The following EVC variants were observed in gnomAD, a reference collection of about 807,000 sequenced individuals.
EVC encodes the protein EvC ciliary complex subunit 1.
In EVC, 116 loss-of-function variants were observed where a neutral mutation model predicts 118.9. That is an observed-to-expected ratio of 0.98 (90% CI 0.84 to 1.14). The LOEUF (loss-of-function observed/expected upper bound fraction) is 1.14. Ranked by LOEUF, EVC falls within the 50% of genes most tolerant of loss-of-function variation. The pLI is 0.00. For missense variants in EVC, 1,401 were observed against 1,246.4 expected, an observed-to-expected ratio of 1.12 and a Z score of -1.87; for synonymous variants, 619 against 534.7, an observed-to-expected ratio of 1.16 and a Z score of -2.18.
chr4:5,732,260 G>T (rs1726948734), intron 4 of EVC, among the ~76,000 whole-genome samples: 1 of 115,182 alleles, frequency 8.7e-6, no homozygotes, highest in Non-Finnish European at 2.0e-5. Context: ...AGTCTGGCGG[G>T]TTCACACACC....
the EVC span, among the ~76,000 whole-genome samples, chr4:5,819,560 C>G: frequency 6.6e-6 from 1 of 152,172 alleles, no homozygotes; most frequent in African/African-American, 2.4e-5. Context: ...CAGTGGCTCC[C>G]ATGACCTGGG....
chr4:5,720,699 A>G (rs1386900921), intron 2 of EVC, among the ~76,000 whole-genome samples: 1 of 152,206 alleles, frequency 6.6e-6, no homozygotes, highest in Non-Finnish European at 1.5e-5. Context: ...CCCTTGGCCA[A>G]CGTGGACGGG....
intron 1 of EVC, among the ~76,000 whole-genome samples, chr4:5,713,676 CAAAAAAAAAAAAA>C (rs35032068): frequency 1.4e-5 from 1 of 71,750 alleles, no homozygotes; most frequent in African/African-American, 6.2e-5. Context: ...GGCTCCGTCT[CAAAAAAAAAAAAA>C]AAAAAAAAAT....
At position 5,752,965 on chromosome 4, in the gene EVC, G is replaced by T. The variant is rs2152076522; in HGVS notation, c.1228G>T (p.Glu410Ter). 1.2e-6 allele frequency: 2 copies of T among 1,614,034 alleles called. No homozygotes were observed. Among genetic ancestry groups the T allele is most frequent in the African/African-American group, 1.3e-5 (1 of 75,074 alleles). Reference sequence around the variant, plus strand: ...CCACGGCCTGGAGCTGCTGGCTGGTGAGGGGAAGCTGTCCGGGCGGCAGAA... The same window carrying T: ...CCACGGCCTGGAGCTGCTGGCTGGTTAGGGGAAGCTGTCCGGGCGGCAGAA... ...ISHGLELLAG[E>*]GKLSGRQKEE... The change falls in exon 9 of 21, where the codon GAG becomes TAG. Residue 410 changes from glutamate (E) to a stop codon, truncating the protein, a stop_gained. Coordinates refer to ENST00000264956, the MANE Select transcript of EVC (RefSeq NM_153717.3). LOFTEE classifies it high-confidence loss of function.
intron 11 of EVC, chr4:5,758,322 G>T: frequency 3.7e-6 from 2 of 545,222 alleles, no homozygotes; most frequent in East Asian, 3.0e-5. Flanking sequence ...CCCAGTTTGC[G>T]GCGCTTTGTC....
chr4:5,753,264 C>T (rs1730668845), intron 9 of EVC, among the ~76,000 whole-genome samples: 1 of 152,246 alleles, frequency 6.6e-6, no homozygotes, highest in Admixed American at 6.5e-5. Context: ...GGCCACTGCC[C>T]AGGGCAGGGG....
rs1723025506 is a variant in EVC at position 5,711,553 on chromosome 4, A to G, written c.173A>G (p.Gln58Arg). 1.8e-6 allele frequency: 2 copies of G among 1,133,560 alleles called. No individual in the cohort carries two copies. The highest frequency in any genetic ancestry group is 1.6e-5 in the African/African-American group (1 of 60,878). The allele number at this position is 1,133,560 out of a possible 1,614,324, so 70.2% of individuals were successfully genotyped here. A position where few individuals can be genotyped will look rare whatever the true frequency, so the allele number is the denominator to read the frequency against. Reference sequence around the variant, plus strand: ...GCGGGCCGCCAGCGCACGCGACACCAGGTGGGTCGGCCGAGCAGACAGCGG... The same window carrying G: ...GCGGGCCGCCAGCGCACGCGACACCGGGTGGGTCGGCCGAGCAGACAGCGG... Reference protein sequence around the residue: ...CRAGRQRTRHQKDDTQNLLKN... With the variant: ...CRAGRQRTRHRKDDTQNLLKN... The change falls in exon 1 of 21, where the codon CAG (glutamine) becomes CGG (arginine). Residue 58 changes from glutamine to arginine, a missense_variant and splice_region_variant. Coordinates refer to ENST00000264956, the MANE Select transcript of EVC (RefSeq NM_153717.3).
intron 3 of EVC, 69 bp downstream of exon 3, chr4:5,729,459 T>C: frequency 7.0e-7 from 1 of 1,423,134 alleles, no homozygotes; most frequent in Non-Finnish European, 9.9e-7. Flanking sequence ...GGGAGGAAAG[T>C]GGGGGGATTA....
In EVC at chr4:5,756,468, C is replaced by A; in HGVS notation, c.1563+106C>A. 1 of 905,636 alleles carries A rather than the reference C, an allele frequency of 1.1e-6. No homozygotes were observed. Among genetic ancestry groups the A allele is most frequent in the Non-Finnish European group, 1.8e-6 (1 of 567,440 alleles). The allele number at this position is 905,636 out of a possible 1,614,324, so 56.1% of individuals were successfully genotyped here. A position where few individuals can be genotyped will look rare whatever the true frequency, so the allele number is the denominator to read the frequency against. ...ACCCCAGAGGTGGTTCAGGTCCAACCCCGCACTCATTGGCCGGTGATCCAC... is the reference window on the plus strand; with the variant it reads ...ACCCCAGAGGTGGTTCAGGTCCAACACCGCACTCATTGGCCGGTGATCCAC... On this transcript the variant is annotated intron_variant, in intron 11 of 20. Coordinates refer to ENST00000264956, the MANE Select transcript of EVC (RefSeq NM_153717.3). This position sits in a 1 kb window ranked among gnomAD's most constrained non-coding sequence, Gnocchi z 4.2.
At position 5,792,777 on chromosome 4, in the gene EVC, A is replaced by G. The variant is rs573226972; in HGVS notation, c.1777-831A>G. ...CAAACCAGTAGATTTCCTCCATACC[A>G]GCAACACCCAGTGACAAAGAAAGAT... On this transcript the variant is annotated intron_variant, in intron 12 of 20. Transcript: ENST00000264956. Among the ~76,000 whole-genome samples the G allele has an allele frequency of 1.8e-3, 267 of 152,328 alleles. 1 individual carries two copies. Among genetic ancestry groups the G allele is most frequent in the Non-Finnish European group, 3.1e-3 (212 of 68,028 alleles).
At chr4:5,825,306 C>A in the EVC span, 2 of 985,194 alleles carry the variant, frequency 2.0e-6, no homozygotes, top group Non-Finnish European at 2.4e-6. The surrounding 1 kb of genome is among the most constrained non-coding windows in gnomAD (Gnocchi z 4.4). Context: ...CATGGACCCC[C>A]CTCTGCTTGG....
At position 5,810,935 on chromosome 4, in the gene EVC, T is replaced by A. The variant is rs1258872580; in HGVS notation, c.2895-18T>A. The stretch of plus-strand genomic sequence containing the variant: ...GGAGTCAGCGTTCTAACTGGCTGCC[T>A]TTCTTCTCTGTTTTAAGCAGCAAAA... On this transcript the variant is annotated intron_variant, in intron 20 of 20. Transcript: ENST00000264956. 6.2e-7 allele frequency: 1 copy of A among 1,607,686 alleles called. No homozygotes were observed.
At position 5,789,361 on chromosome 4, in the gene EVC, C is replaced by T. The variant is rs1712329950; in HGVS notation, c.1777-4247C>T. ...CTCTGGCTTTCTGGGCACGTTCCTG[C>T]CTTACTCTGTCCTGCTCCTGGTCTT... On this transcript the variant is annotated intron_variant, in intron 12 of 20. Coordinates refer to ENST00000264956, the MANE Select transcript of EVC (RefSeq NM_153717.3). This position sits in a 1 kb window ranked among gnomAD's most constrained non-coding sequence, Gnocchi z 4.3. Among the ~76,000 whole-genome samples the T allele has an allele frequency of 6.6e-6, 1 of 152,162 alleles. No individual in the cohort carries two copies. The highest frequency in any genetic ancestry group is 2.4e-5 in the African/African-American group (1 of 41,440).
the EVC span, chr4:5,820,809 T>A: frequency 6.6e-6 from 1 of 150,578 alleles, no homozygotes; most frequent in African/African-American, 2.5e-5. Flanking sequence ...TTTCTTTATT[T>A]TTTCACAAGC....
chr4:5,767,038 A>G (rs1001077026), intron 11 of EVC, among the ~76,000 whole-genome samples: 2 of 148,770 alleles, frequency 1.3e-5, no homozygotes, highest in African/African-American at 4.9e-5. Flanking sequence ...GGTTTTATCT[A>G]CTTTTGGACT....
At chr4:5,828,692 C>T in the EVC span, 2 of 1,607,728 alleles carry the variant, frequency 1.2e-6, no homozygotes, top group African/African-American at 1.3e-5. Flanking sequence ...CTCAGTGTTA[C>T]TTCCCAGGAT....
chr4:5,748,696 C>A (rs1729832915), intron 8 of EVC, among the ~76,000 whole-genome samples: 1 of 113,518 alleles, frequency 8.8e-6, no homozygotes, highest in Non-Finnish European at 1.8e-5. Flanking sequence ...ACCCATCCAT[C>A]CACCCGTCCA....
chr4:5,716,536 A>G (rs1375075387), intron 1 of EVC, among the ~76,000 whole-genome samples: 2 of 152,182 alleles, frequency 1.3e-5, no homozygotes, highest in Non-Finnish European at 2.9e-5. Context: ...GATAAGGGGC[A>G]GCTGAGGACC....
chr4:5,796,279 A>G (rs1040631924), intron 13 of EVC, among the ~76,000 whole-genome samples: 5 of 151,998 alleles, frequency 3.3e-5, no homozygotes, highest in Non-Finnish European at 7.4e-5. Flanking sequence ...TCTCGTGGGC[A>G]TGTTTCTATT....
Sources: gnomAD v4.1 joint callset for allele counts (sites outside exome capture counted in the v4.1 genomes callset) on GRCh38, gnomAD v4.1.1 for gene constraint, Gnocchi (gnomAD v3.1) non-coding constraint, MANE v1.5 for transcripts, NCBI Gene and HGNC (gene_info 2026-07-23, HGNC 2026-07-21) for gene names.